Variants in POLR3B observed in about 807,000 individuals in gnomAD.
The protein encoded by POLR3B is DNA-directed RNA polymerase III subunit RPC2.
Under a neutral mutation model 147.4 loss-of-function variants are expected in POLR3B, and 96 were observed. The observed-to-expected ratio is 0.65, with a 90% CI of 0.55 to 0.77. The LOEUF is 0.77. Ranked by LOEUF, POLR3B falls within the 30% of genes least tolerant of loss-of-function variation. The pLI, the probability that POLR3B is intolerant of heterozygous loss-of-function variation, is 0.00. For missense variants in POLR3B, 1,036 were observed against 1,413.5 expected, an observed-to-expected ratio of 0.73 and a Z score of 4.28; for synonymous variants, 461 against 485.9, an observed-to-expected ratio of 0.95 and a Z score of 0.67.
intron 22 of POLR3B, among the ~76,000 whole-genome samples, chr12:106,460,550 A>C (rs2037919606): frequency 6.6e-6 from 1 of 152,200 alleles, no homozygotes; most frequent in Admixed American, 6.5e-5. Flanking sequence ...CTGGAGGAGG[A>C]GCACCAAAGA....
chr12:106,497,035 G>A lies in POLR3B; in HGVS notation c.2984+117G>A, dbSNP rs905424813. The stretch of plus-strand genomic sequence containing the variant: ...CTTCAGGCAAGCTTGTACAGCCCGT[G>A]GGCGGCATGTGGCCCAGGACGGCTT... On this transcript the variant is annotated intron_variant, in intron 25 of 27. Coordinates refer to ENST00000228347, the MANE Select transcript of POLR3B (RefSeq NM_018082.6). 6.8e-6 allele frequency: 7 copies of A among 1,021,930 alleles called. No homozygotes were observed. In the African/African-American group the frequency reaches 8.0e-5, roughly 12 times the overall value. 63.3% of individuals were successfully genotyped at this position (1,021,930 alleles called of 1,614,324 possible). A position where few individuals can be genotyped will look rare whatever the true frequency, so the allele number is the denominator to read the frequency against.
intron 10 of POLR3B, among the ~76,000 whole-genome samples, chr12:106,400,468 A>G (rs2037046306): frequency 1.3e-5 from 2 of 152,218 alleles, no homozygotes; most frequent in African/African-American, 2.4e-5. Context: ...CTCTGCACCA[A>G]GTGGACCTAA....
At chr12:106,372,402 A>T (rs761862959) in intron 6 of POLR3B, among the ~76,000 whole-genome samples, 2 of 141,996 alleles carry the variant, frequency 1.4e-5, no homozygotes, top group Non-Finnish European at 3.0e-5. Context: ...CAGTGGCATG[A>T]TCTCAGCTCA....
intron 22 of POLR3B, among the ~76,000 whole-genome samples, chr12:106,463,272 C>T (rs1412533343): frequency 6.6e-6 from 1 of 152,020 alleles, no homozygotes; most frequent in Non-Finnish European, 1.5e-5. Context: ...TTGCACTGTG[C>T]CTTCCTCATA....
chr12:106,484,650 A>G (rs1411525340), intron 23 of POLR3B, among the ~76,000 whole-genome samples: 3 of 152,126 alleles, frequency 2.0e-5, no homozygotes, highest in Non-Finnish European at 2.9e-5. Context: ...GATAAGTGCC[A>G]TATATGAAGA....
chr12:106,366,849 T>C, intron 4 of POLR3B, 127 bp downstream of exon 4: 2 of 772,322 alleles, frequency 2.6e-6, no homozygotes, highest in Non-Finnish European at 4.4e-6. Flanking sequence ...ATGCCTGTAA[T>C]ACCAAGCACT....
rs543988550 is a variant in POLR3B, at chr12:106,402,486, A to G, written c.847-3371A>G. The stretch of plus-strand genomic sequence containing the variant: ...TTTAAAGTTCATATGGAACCAAAAA[A>G]GAGCCCGCATCGCCAAGTCAATTCT... On this transcript the variant is annotated intron_variant, in intron 10 of 27. Transcript: ENST00000228347. Among the ~76,000 whole-genome samples the G allele has an allele frequency of 4.6e-5, 7 of 152,350 alleles. No homozygotes were observed. In the South Asian group the frequency reaches 1.4e-3, roughly 32 times the overall value.
intron 17 of POLR3B, 63 bp from the exon 18 acceptor site, chr12:106,437,618 A>T: frequency 1.1e-6 from 1 of 887,040 alleles, no homozygotes; most frequent in African/African-American, 1.6e-5. Context: ...ATCTCCTGTT[A>T]TTATATAAAA....
intron 23 of POLR3B, among the ~76,000 whole-genome samples, chr12:106,468,099 G>A (rs1189021078): frequency 6.6e-6 from 1 of 152,134 alleles, no homozygotes; most frequent in Non-Finnish European, 1.5e-5. Context: ...TTTTTGGTTG[G>A]TAGGCTATTA....
At chr12:106,451,237 C>T (rs1211938354) in intron 19 of POLR3B, among the ~76,000 whole-genome samples, 1 of 151,904 alleles carries the variant, frequency 6.6e-6, no homozygotes, top group African/African-American at 2.4e-5. Context: ...ATTTATAGTG[C>T]AACCTTGATA....
At chr12:106,488,851 TA>T (rs1297341580) in intron 23 of POLR3B, among the ~76,000 whole-genome samples, 7 of 152,146 alleles carry the variant, frequency 4.6e-5, no homozygotes, top group African/African-American at 1.7e-4. Context: ...CTACTCCTTT[TA>T]AAAAAAATCT....
At chr12:106,435,668 C>T (rs2037567505) in intron 16 of POLR3B, among the ~76,000 whole-genome samples, 1 of 151,998 alleles carries the variant, frequency 6.6e-6, no homozygotes, top group Non-Finnish European at 1.5e-5. Context: ...CTAAGATTGT[C>T]CTGAGAACTA....
At chr12:106,476,298 C>G (rs1457953694) in intron 23 of POLR3B, among the ~76,000 whole-genome samples, 1 of 33,908 alleles carries the variant, frequency 2.9e-5, no homozygotes, top group East Asian at 7.4e-4. Context: ...CTGCCCTTAA[C>G]ATTTTTTCCT....
intron 23 of POLR3B, among the ~76,000 whole-genome samples, chr12:106,474,217 A>G (rs1426349140): frequency 1.5e-5 from 2 of 136,252 alleles, no homozygotes; most frequent in Non-Finnish European, 3.1e-5. Flanking sequence ...GATGAAGTCC[A>G]CTTGATCATG....
At position 106,504,383 on chromosome 12, in the gene POLR3B, T is replaced by G. The variant is rs374278540; in HGVS notation, c.3272+129T>G. ...GTGATCACTAACATACCCTCCCTCA[T>G]GCATGTATTCCTGTCATTGGGGATA... is the stretch of plus-strand genomic sequence containing the variant. On this transcript the variant is annotated intron_variant, in intron 27 of 27. Transcript: ENST00000228347. The surrounding 1 kb of genome is among the most constrained non-coding windows in gnomAD (Gnocchi z 4.6). 7 of 777,548 alleles carry G rather than the reference T, an allele frequency of 9.0e-6. No individual in the cohort carries two copies. The highest frequency in any genetic ancestry group is 1.4e-5 in the Non-Finnish European group (6 of 435,420). 48.2% of individuals were successfully genotyped at this position (777,548 alleles called of 1,614,324 possible).
chr12:106,398,211 A>G (rs532638873), intron 10 of POLR3B, among the ~76,000 whole-genome samples: 1 of 152,362 alleles, frequency 6.6e-6, no homozygotes, highest in East Asian at 1.9e-4. Context: ...GGAGGGTCCT[A>G]TGCCCACGGA....
chr12:106,429,038 A>G (rs940024740), intron 13 of POLR3B, among the ~76,000 whole-genome samples: 1 of 152,178 alleles, frequency 6.6e-6, no homozygotes, highest in African/African-American at 2.4e-5. Context: ...TCTTGTTTCT[A>G]TGTGCATTTT....
intron 10 of POLR3B, among the ~76,000 whole-genome samples, chr12:106,405,243 A>G (rs898706208): frequency 6.6e-6 from 1 of 152,138 alleles, no homozygotes; most frequent in Non-Finnish European, 1.5e-5. Flanking sequence ...AGAATTTTAG[A>G]ATTAGTCAGT....
intron 16 of POLR3B, among the ~76,000 whole-genome samples, chr12:106,434,555 G>A (rs1464430982): frequency 6.6e-6 from 1 of 151,556 alleles, no homozygotes; most frequent in Non-Finnish European, 1.5e-5. Context: ...TTGTGCACAG[G>A]TACTATCTAG....
Sources: allele counts gnomAD v4.1 joint callset (sites outside exome capture counted in the v4.1 genomes callset), GRCh38; gene constraint gnomAD v4.1.1; non-coding constraint Gnocchi (gnomAD v3.1); transcripts MANE v1.5; gene names NCBI Gene and HGNC (gene_info 2026-07-23, HGNC 2026-07-21).